FOXP2: variants seen among roughly 807,000 people sequenced by gnomAD.
FOXP2 encodes forkhead box P2.
A neutral mutation model predicts 115.8 loss-of-function variants in FOXP2; 12 were observed. That is an observed-to-expected ratio of 0.10 (90% CI 0.07 to 0.17). The LOEUF is 0.17. FOXP2 is among the 10% of genes least tolerant of loss of function. The pLI is 1.00. For synonymous variants in FOXP2, 328 were observed against 297.7 expected (o/e 1.10, Z -1.05); for missense variants, 629 against 843.5 (o/e 0.75, Z 3.15).
chr7:114,609,660 C>T (rs752254520), intron 3 of FOXP2, among the ~76,000 whole-genome samples: 2 of 152,162 alleles, frequency 1.3e-5, no homozygotes, highest in African/African-American at 2.4e-5. Context: ...TGAAATGTCT[C>T]TGAAAATTTC....
intron 1 of FOXP2, among the ~76,000 whole-genome samples, chr7:114,273,047 T>C (rs936241226): frequency 6.6e-6 from 1 of 151,992 alleles, no homozygotes; most frequent in Non-Finnish European, 1.5e-5. Flanking sequence ...GGATTTCATA[T>C]CTTTTTTTCT....
intron 3 of FOXP2, among the ~76,000 whole-genome samples, chr7:114,543,091 A>G (rs1799759511): frequency 6.6e-6 from 1 of 152,006 alleles, no homozygotes; most frequent in Non-Finnish European, 1.5e-5. Flanking sequence ...TGTTCTTTCA[A>G]AATATTTAAG....
chr7:114,340,239 T>C (rs1791169706), intron 2 of FOXP2, among the ~76,000 whole-genome samples: 1 of 151,106 alleles, frequency 6.6e-6, no homozygotes, highest in Non-Finnish European at 1.5e-5. Context: ...TCACTTGAAA[T>C]TGTGAAGATG....
intron 2 of FOXP2, among the ~76,000 whole-genome samples, chr7:114,519,004 A>G (rs947676252): frequency 3.3e-5 from 5 of 152,104 alleles, no homozygotes; most frequent in Non-Finnish European, 5.9e-5. Context: ...AGTGCCTGTT[A>G]TCTAACTCAT....
intron 4 of FOXP2, chr7:114,629,044 T>C: frequency 4.3e-6 from 1 of 232,326 alleles, no homozygotes; most frequent in Non-Finnish European, 8.6e-6. Flanking sequence ...GCATTCCTTT[T>C]AGTTCACAAA....
chr7:114,120,603 CAATGAT>C (rs1791534128), intron 1 of FOXP2, among the ~76,000 whole-genome samples: 1 of 151,682 alleles, frequency 6.6e-6, no homozygotes, highest in African/African-American at 2.4e-5. Flanking sequence ...AAAGAGGTGA[CAATGAT>C]AATAGTTAAC....
At chr7:114,536,465 A>C (rs1463449464) in intron 3 of FOXP2, among the ~76,000 whole-genome samples, 1 of 148,138 alleles carries the variant, frequency 6.8e-6, no homozygotes, top group South Asian at 2.1e-4. Context: ...TTGGACTAAA[A>C]TATACGTACT....
intron 2 of FOXP2, among the ~76,000 whole-genome samples, chr7:114,468,067 C>T (rs1195159813): frequency 6.6e-6 from 1 of 152,144 alleles, no homozygotes; most frequent in Non-Finnish European, 1.5e-5. Context: ...TATTTCCTAG[C>T]TGTGATCTCT....
At chr7:114,624,232 T>C (rs1202793834) in intron 3 of FOXP2, among the ~76,000 whole-genome samples, 3 of 151,918 alleles carry the variant, frequency 2.0e-5, no homozygotes, top group Non-Finnish European at 4.4e-5. Flanking sequence ...GCAGATACTG[T>C]AACATAAGAA....
intron 2 of FOXP2, among the ~76,000 whole-genome samples, chr7:114,450,466 T>C (rs1289831080): frequency 6.6e-6 from 1 of 152,106 alleles, no homozygotes; most frequent in Non-Finnish European, 1.5e-5. Flanking sequence ...TTTGTTGAAA[T>C]ATGAGTATAT....
intron 3 of FOXP2, among the ~76,000 whole-genome samples, chr7:114,572,486 T>C (rs1801355868): frequency 6.6e-6 from 1 of 151,834 alleles, no homozygotes; most frequent in African/African-American, 2.4e-5. Flanking sequence ...TCTTAATTTC[T>C]AAGTATTCTC....
intron 2 of FOXP2, among the ~76,000 whole-genome samples, chr7:114,454,804 G>A (rs1795226129): frequency 1.5e-5 from 2 of 129,918 alleles, no homozygotes; most frequent in Non-Finnish European, 3.2e-5. Flanking sequence ...TCACTCATAG[G>A]TGGGAATTGA....
intron 1 of FOXP2, among the ~76,000 whole-genome samples, chr7:114,212,159 A>G (rs188747392): frequency 1.2e-4 from 18 of 151,158 alleles, no homozygotes; most frequent in Non-Finnish European, 2.4e-4. Flanking sequence ...TCTGCAAAGT[A>G]TTGGAGATTA....
At chr7:114,291,869 TATAGATAATATATAGAATATATATTATAG>T (rs1196871456) in intron 2 of FOXP2, among the ~76,000 whole-genome samples, 2 of 123,808 alleles carry the variant, frequency 1.6e-5, no homozygotes, top group East Asian at 4.5e-4. Flanking sequence ...ATATATAATA[TATAGATAATATATAGAATATATATTATAG>T]ATAATATATA....
intron 2 of FOXP2, among the ~76,000 whole-genome samples, chr7:114,513,498 C>A (rs1030672799): frequency 6.6e-6 from 1 of 152,084 alleles, no homozygotes; most frequent in African/African-American, 2.4e-5. Context: ...AAATCAGAAT[C>A]TTAAGGAGTT....
intron 1 of FOXP2, among the ~76,000 whole-genome samples, chr7:114,130,951 T>C (rs1791857681): frequency 6.6e-6 from 1 of 152,226 alleles, no homozygotes; most frequent in African/African-American, 2.4e-5. Flanking sequence ...CTAAACCTAA[T>C]AGCAATTAAA....
intron 2 of FOXP2, among the ~76,000 whole-genome samples, chr7:114,409,217 A>T (rs563649819): frequency 5.3e-5 from 8 of 152,142 alleles, no homozygotes; most frequent in Non-Finnish European, 8.8e-5. Context: ...TGTTTAATAT[A>T]TTAAAATTTC....
intron 1 of FOXP2, among the ~76,000 whole-genome samples, chr7:114,170,591 G>A (rs1793112032): frequency 1.3e-5 from 2 of 152,190 alleles, no homozygotes; most frequent in South Asian, 4.1e-4. Context: ...GTGAACATAT[G>A]AGTGATAAGA....
intron 1 of FOXP2, among the ~76,000 whole-genome samples, chr7:114,419,342 C>T (rs765990438): frequency 1.1e-4 from 17 of 151,916 alleles, no homozygotes; most frequent in Middle Eastern, 3.4e-3. Context: ...TGAAATTTGA[C>T]GGAAAGGTTT....
Sources: allele counts gnomAD v4.1 joint callset (sites outside exome capture counted in the v4.1 genomes callset), GRCh38; gene constraint gnomAD v4.1.1; transcripts MANE v1.5; gene names NCBI Gene and HGNC (gene_info 2026-07-23, HGNC 2026-07-21).